Variants in DDHD1 observed in about 807,000 individuals in gnomAD.
The protein encoded by DDHD1 is DDHD domain containing 1.
Under a neutral mutation model 96.4 loss-of-function variants are expected in DDHD1, and 49 were observed. The observed-to-expected ratio is 0.51, with a 90% CI of 0.40 to 0.64. The LOEUF (loss-of-function observed/expected upper bound fraction) is 0.64. DDHD1 is among the 30% of genes least tolerant of loss of function. The pLI is 0.00. For synonymous variants in DDHD1, 442 were observed against 446.5 expected (o/e 0.99, Z 0.13); for missense variants, 1,106 against 1,161.2 (o/e 0.95, Z 0.69).
Position 53,046,752 on chromosome 14 carries a change from T to C in DDHD1, c.*16A>G, listed in dbSNP as rs112663760. ...AAAAAAATCAGTTTTAGGCCATTCA[T>C]GTCCTTCAAGAGAGTTCAGATTGGA... On this transcript the variant is annotated 3_prime_UTR_variant, in exon 13 of 13. Transcript: ENST00000673822. 1,747 of 1,436,872 alleles carry C rather than the reference T, an allele frequency of 1.2e-3. 21 individuals carry two copies. The African/African-American group carries it at 0.038, about 31-fold the overall frequency. The allele number at this position is 1,436,872 out of a possible 1,614,324, so 89.0% of individuals were successfully genotyped here.
At chr14:53,130,491 G>A (rs1185669340) in intron 1 of DDHD1, among the ~76,000 whole-genome samples, 2 of 151,800 alleles carry the variant, frequency 1.3e-5, no homozygotes, top group African/African-American at 4.8e-5. Context: ...TGCTCCCAAC[G>A]CACATCAGGA....
chr14:53,092,008 A>C, intron 3 of DDHD1, 76 bp from the exon 4 acceptor site: 1 of 1,414,308 alleles, frequency 7.1e-7, no homozygotes, highest in Non-Finnish European at 9.6e-7. Flanking sequence ...AAAAGAAAAA[A>C]AAGAAGTAAA....
chr14:53,059,401 C>G (rs962115008), intron 8 of DDHD1, among the ~76,000 whole-genome samples: 3 of 151,744 alleles, frequency 2.0e-5, no homozygotes, highest in Non-Finnish European at 4.4e-5. Context: ...CCCGCCACCA[C>G]GCCCAGCTAA....
At chr14:53,112,961 C>CT (rs112362897) in intron 1 of DDHD1, among the ~76,000 whole-genome samples, 9 of 151,266 alleles carry the variant, frequency 5.9e-5, no homozygotes, top group South Asian at 4.2e-4. Context: ...GTGACTTTCA[C>CT]TTTTTTTTTG....
Position 53,061,148 on chromosome 14 carries a change from T to G in DDHD1, c.1820A>C (p.Gln607Pro). Residue 607 changes from glutamine (Q) to proline (P), a missense_variant, in exon 8 of 13, where the codon CAA becomes CCA. Gln to Pro is a moderately conservative substitution (Grantham distance 76). Coordinates refer to ENST00000673822, the MANE Select transcript of DDHD1 (RefSeq NM_001160148.2). ...LHGLKASSMT[Q>P]TPALKFKVEN... ...TACCTTAAATTTTAAGGCAGGTGTT[T>G]GTGTCATAGATGATGCTTTCAATCC... 2.5e-6 allele frequency: 4 copies of G among 1,610,640 alleles called. No homozygotes were observed. The highest frequency in any genetic ancestry group is 2.5e-6 in the Non-Finnish European group (3 of 1,179,096).
intron 1 of DDHD1, among the ~76,000 whole-genome samples, chr14:53,111,042 T>C (rs555275567): frequency 6.6e-6 from 1 of 152,214 alleles, no homozygotes; most frequent in African/African-American, 2.4e-5. Flanking sequence ...GAACGGTCTT[T>C]ATTGAAATCA....
At chr14:53,136,024 T>C (rs1040083271) in intron 1 of DDHD1, among the ~76,000 whole-genome samples, 10 of 152,316 alleles carry the variant, frequency 6.6e-5, no homozygotes, top group African/African-American at 2.4e-4. Flanking sequence ...CATTCCACCA[T>C]TGTAATTTGT....
chr14:53,063,312 A>G, intron 6 of DDHD1, 107 bp from the exon 7 acceptor site: 1 of 1,274,630 alleles, frequency 7.8e-7, no homozygotes, highest in Non-Finnish European at 1.1e-6. Context: ...TACCGATCAA[A>G]TATACCTAGG....
At chr14:53,050,172 G>T (rs1169195679) in intron 12 of DDHD1, among the ~76,000 whole-genome samples, 2 of 152,150 alleles carry the variant, frequency 1.3e-5, no homozygotes, top group Non-Finnish European at 2.9e-5. Flanking sequence ...CTCTCTGGAA[G>T]GAGGAGGATT....
chr14:53,052,428 T>C (rs983519993), intron 11 of DDHD1: 21 of 152,374 alleles, frequency 1.4e-4, no homozygotes, highest in African/African-American at 5.1e-4. Context: ...ATAAAGGTTA[T>C]CCAGAAGAAC....
At chr14:53,150,356 A>G (rs1891260784) in intron 1 of DDHD1, among the ~76,000 whole-genome samples, 2 of 152,202 alleles carry the variant, frequency 1.3e-5, no homozygotes, top group Admixed American at 1.3e-4. Context: ...TTCCCCCACT[A>G]GACTAATGAA....
chr14:53,077,008 AC>A (rs1442635423), intron 4 of DDHD1, among the ~76,000 whole-genome samples: 1 of 152,186 alleles, frequency 6.6e-6, no homozygotes, highest in Non-Finnish European at 1.5e-5. Flanking sequence ...GTGGTATGGA[AC>A]CAAACCCACA....
chr14:53,064,913 T>C (rs1883892169), intron 6 of DDHD1, among the ~76,000 whole-genome samples: 1 of 152,170 alleles, frequency 6.6e-6, no homozygotes, highest in Non-Finnish European at 1.5e-5. Flanking sequence ...ACGAGTTTAC[T>C]CTAATTGGAA....
intron 6 of DDHD1, among the ~76,000 whole-genome samples, chr14:53,066,975 A>G (rs371618071): frequency 1.2e-3 from 179 of 150,154 alleles, no homozygotes; most frequent in Non-Finnish European, 2.1e-3. Flanking sequence ...AAAAAAAAAA[A>G]GTTTGCCCAC....
intron 1 of DDHD1, among the ~76,000 whole-genome samples, chr14:53,131,486 A>T (rs758517844): frequency 9.2e-5 from 14 of 152,112 alleles, no homozygotes; most frequent in Non-Finnish European, 1.6e-4. Flanking sequence ...AAACCCATAT[A>T]CTTTCCTATC....
chr14:53,060,998 G>C, intron 8 of DDHD1, 128 bp downstream of exon 8: 17 of 853,854 alleles, frequency 2.0e-5, no homozygotes, highest in Non-Finnish European at 2.9e-5. Flanking sequence ...CCAACATATA[G>C]TATATGTTGA....
At chr14:53,066,525 C>G (rs1314775514) in intron 6 of DDHD1, among the ~76,000 whole-genome samples, 1 of 152,194 alleles carries the variant, frequency 6.6e-6, no homozygotes, top group Non-Finnish European at 1.5e-5. Context: ...ATAAACCAAA[C>G]AAGGTTCATT....
At chr14:53,096,949 C>T (rs906115349) in intron 2 of DDHD1, among the ~76,000 whole-genome samples, 1 of 151,972 alleles carries the variant, frequency 6.6e-6, no homozygotes, top group African/African-American at 2.4e-5. Context: ...TAGGCACAGA[C>T]TTGATATTTG....
intron 9 of DDHD1, among the ~76,000 whole-genome samples, chr14:53,056,927 G>T (rs1224795912): frequency 2.0e-5 from 3 of 152,132 alleles, no homozygotes; most frequent in African/African-American, 4.8e-5. Context: ...ACGAGACAAT[G>T]AATAAAATGA....
Sources: gnomAD v4.1 joint callset for allele counts (sites outside exome capture counted in the v4.1 genomes callset) on GRCh38, gnomAD v4.1.1 for gene constraint, MANE v1.5 for transcripts, NCBI Gene and HGNC (gene_info 2026-07-23, HGNC 2026-07-21) for gene names.